The following RPS6KA6 variants were observed in gnomAD, a reference collection of about 807,000 sequenced individuals.
RPS6KA6 encodes ribosomal protein S6 kinase alpha-6.
RPS6KA6 carries 27 observed loss-of-function variants against 65.4 expected under a neutral mutation model. The observed-to-expected ratio is 0.41, with a 90% CI of 0.30 to 0.57. RPS6KA6 has a LOEUF of 0.57. RPS6KA6 is among the 20% of genes least tolerant of loss of function. The pLI, the probability that RPS6KA6 is intolerant of heterozygous loss-of-function variation, is 0.24. For synonymous variants in RPS6KA6, 190 were observed against 184.2 expected, an observed-to-expected ratio of 1.03 and a Z score of -0.26; for missense variants, 486 against 555.6, an observed-to-expected ratio of 0.87 and a Z score of 1.26.
In RPS6KA6 at chrX:84,166,881, GAA is replaced by G. The variant is rs749055180; in HGVS notation, c.82-2496_82-2495del. Among the ~76,000 whole-genome samples the G allele has an allele frequency of 9.7e-4, 107 of 110,688 alleles. 1 individual carries two copies. The South Asian group carries it at 0.011, about 11-fold the overall frequency. On this transcript the variant is annotated intron_variant, in intron 1 of 21. Coordinates refer to ENST00000262752, the MANE Select transcript of RPS6KA6 (RefSeq NM_014496.5). ...ATTTGTGAATATAATAAAAAGTATT[GAA>G]TTGTATATTTTAAATGGGTGAATTA...
intron 20 of RPS6KA6, among the ~76,000 whole-genome samples, chrX:84,075,358 A>G (rs963597759): frequency 1.8e-5 from 2 of 112,331 alleles, no homozygotes; most frequent in Non-Finnish European, 3.8e-5. Context: ...AAGAAACACG[A>G]GAGTATAGAA....
intron 1 of RPS6KA6, among the ~76,000 whole-genome samples, chrX:84,184,277 C>T (rs966788609): frequency 3.6e-5 from 4 of 112,393 alleles, no homozygotes; most frequent in African/African-American, 1.3e-4. Context: ...AAGGCTGCGG[C>T]TAAGGCCATG....
chrX:84,142,089 A>G, intron 6 of RPS6KA6, among the ~76,000 whole-genome samples: 1 of 111,528 alleles, frequency 9.0e-6, no homozygotes, highest in East Asian at 2.8e-4. Flanking sequence ...TCAAGTGGAC[A>G]TGGAACATTT....
intron 20 of RPS6KA6, among the ~76,000 whole-genome samples, chrX:84,077,918 TCAAAC>T (rs1427687606): frequency 2.7e-5 from 3 of 112,216 alleles, no homozygotes. Flanking sequence ...CATCAGTCAG[TCAAAC>T]CATCATAAGT....
At chrX:84,081,835 T>A (rs975780578) in intron 20 of RPS6KA6, among the ~76,000 whole-genome samples, 4 of 111,827 alleles carry the variant, frequency 3.6e-5, no homozygotes, top group African/African-American at 1.3e-4. Flanking sequence ...ACAGAACCAA[T>A]GACAAAAACC....
At position 84,107,027 on chromosome X, in the gene RPS6KA6, C is replaced by T. The variant is rs765464040; in HGVS notation, c.1125G>A (p.Leu375=). The part of the protein sequence containing the change: ...TAKTPKDSPG[L]PASANAHQLF... ...GCTGATGAGCATTTGCACTGGCTGGCAAACCGGGAGAATCTAATGTCCAAA... is the reference window on the plus strand; with the variant it reads ...GCTGATGAGCATTTGCACTGGCTGGTAAACCGGGAGAATCTAATGTCCAAA... The change falls in exon 14 of 22, where the codon TTG becomes TTA. Residue 375 remains leucine (L), a synonymous_variant. Transcript: ENST00000262752. 1 of 1,197,040 alleles carries T rather than the reference C, an allele frequency of 8.4e-7. No individual in the cohort carries two copies. Among genetic ancestry groups the T allele is most frequent in the Non-Finnish European group, 1.1e-6 (1 of 887,726 alleles).
chrX:84,172,641 G>A (rs2035704094), intron 1 of RPS6KA6, among the ~76,000 whole-genome samples: 2 of 111,083 alleles, frequency 1.8e-5, no homozygotes, highest in Admixed American at 1.9e-4. Context: ...TCGAAAGCAG[G>A]GTCTCAAAAA....
chrX:84,124,823 A>T (rs1418841503), intron 8 of RPS6KA6, among the ~76,000 whole-genome samples: 1 of 111,670 alleles, frequency 9.0e-6, no homozygotes, highest in Non-Finnish European at 1.9e-5. Flanking sequence ...TAGAACATCC[A>T]ACAGATTTAA....
intron 6 of RPS6KA6, among the ~76,000 whole-genome samples, chrX:84,135,930 T>C (rs2034984146): frequency 8.9e-6 from 1 of 111,924 alleles, no homozygotes; most frequent in Admixed American, 9.5e-5. Flanking sequence ...ATATCAGACA[T>C]GTCACTTAGC....
chrX:84,096,544 TTAGC>T (rs1159313101), intron 19 of RPS6KA6, among the ~76,000 whole-genome samples: 1 of 111,576 alleles, frequency 9.0e-6, no homozygotes, highest in Non-Finnish European at 1.9e-5. Context: ...TTGTCTCTGA[TTAGC>T]TAATCAATGT....
chrX:84,163,536 G>A (rs1294241272), intron 2 of RPS6KA6, among the ~76,000 whole-genome samples: 1 of 105,201 alleles, frequency 9.5e-6, no homozygotes, highest in African/African-American at 3.5e-5. Context: ...CTACTCGGGA[G>A]GCTGAGGCAG....
intron 8 of RPS6KA6, among the ~76,000 whole-genome samples, chrX:84,121,382 T>C (rs1240101189): frequency 8.9e-6 from 1 of 112,361 alleles, no homozygotes; most frequent in Non-Finnish European, 1.9e-5. Context: ...CTTCGGGTCT[T>C]TTTCAAGGTA....
intron 8 of RPS6KA6, among the ~76,000 whole-genome samples, chrX:84,130,150 A>G (rs980238308): frequency 2.7e-5 from 3 of 111,332 alleles, no homozygotes; most frequent in African/African-American, 9.8e-5. Flanking sequence ...TTTAAATTTA[A>G]ATTTTAAAAA....
At chrX:84,116,137 T>C in intron 12 of RPS6KA6, 92 bp downstream of exon 12, 1 of 520,064 alleles carries the variant, frequency 1.9e-6, no homozygotes, top group Non-Finnish European at 3.2e-6. Flanking sequence ...AATATTCCAC[T>C]GATTTGTTAT....
intron 8 of RPS6KA6, among the ~76,000 whole-genome samples, chrX:84,132,620 C>T (rs1364435837): frequency 9.3e-6 from 1 of 107,792 alleles, no homozygotes; most frequent in African/African-American, 3.3e-5. Flanking sequence ...GGATTTTATA[C>T]AGACTATGAA....
chrX:84,135,351 A>G, intron 6 of RPS6KA6, 141 bp from the exon 7 acceptor site: 2 of 411,169 alleles, frequency 4.9e-6, no homozygotes, highest in Non-Finnish European at 8.4e-6. Context: ...TTTGACTGGC[A>G]TAATTATTGG....
At chrX:84,081,810 T>C (rs1014384540) in intron 20 of RPS6KA6, among the ~76,000 whole-genome samples, 1 of 112,305 alleles carries the variant, frequency 8.9e-6, no homozygotes, top group African/African-American at 3.2e-5. Context: ...TCAATAAATG[T>C]AATCCATCAC....
intron 20 of RPS6KA6, among the ~76,000 whole-genome samples, chrX:84,069,095 C>A (rs903914793): frequency 1.8e-5 from 2 of 111,869 alleles, no homozygotes; most frequent in African/African-American, 6.5e-5. Flanking sequence ...AAAAAGAGCC[C>A]ATATAGCCAA....
intron 6 of RPS6KA6, among the ~76,000 whole-genome samples, chrX:84,138,572 TA>T (rs1471905535): frequency 2.7e-5 from 3 of 112,028 alleles, no homozygotes; most frequent in Non-Finnish European, 5.6e-5. Context: ...CAAACAAAAA[TA>T]TTATTTCTTT....
Sources: gnomAD v4.1 joint callset for allele counts (sites outside exome capture counted in the v4.1 genomes callset) on GRCh38, gnomAD v4.1.1 for gene constraint, MANE v1.5 for transcripts, NCBI Gene and HGNC (gene_info 2026-07-23, HGNC 2026-07-21) for gene names.